NSD2: variants seen among roughly 807,000 people sequenced by gnomAD.
NSD2 encodes the protein nuclear receptor binding SET domain protein 2.
NSD2 carries 12 observed loss-of-function variants against 139.0 expected under a neutral mutation model. The observed-to-expected ratio is 0.09, with a 90% confidence interval of 0.06 to 0.14. The LOEUF (loss-of-function observed/expected upper bound fraction) is 0.14, where lower values mean the gene tolerates loss of function less well. Among genes scored for constraint, NSD2 ranks in the 10% least tolerant of loss-of-function variants. The pLI, the probability that NSD2 is intolerant of heterozygous loss-of-function variation, is 1.00. For synonymous variants in NSD2, 669 were observed against 648.7 expected (o/e 1.03, Z -0.48); for missense variants, 1,155 against 1,745.0 (o/e 0.66, Z 6.02).
At chr4:1,894,776 G>C (rs938634321) in intron 1 of NSD2, among the ~76,000 whole-genome samples, 31 of 151,986 alleles carry the variant, frequency 2.0e-4, no homozygotes, top group African/African-American at 7.0e-4. Context: ...TGAAGGTAGA[G>C]GATTTTTGGG....
chr4:1,964,577 AG>A (rs2108988082), intron 18 of NSD2, among the ~76,000 whole-genome samples: 1 of 152,324 alleles, frequency 6.6e-6, no homozygotes, highest in East Asian at 1.9e-4. Context: ...ATCTGTGCTC[AG>A]GATCCCTGAT....
At chr4:1,938,194 G>A (rs1722628074) in intron 7 of NSD2, among the ~76,000 whole-genome samples, 3 of 152,162 alleles carry the variant, frequency 2.0e-5, no homozygotes, top group Admixed American at 2.0e-4. Context: ...TGCGAGAGCG[G>A]GAGGTGCGAA....
chr4:1,980,469 G>C lies in NSD2; in HGVS notation c.*1560G>C. Reference sequence around the variant, plus strand: ...CATCCATCTTGCAGAGAAGTTTACAGAACTCCCCTTGAAAACTGCTGCTGA... The same window carrying C: ...CATCCATCTTGCAGAGAAGTTTACACAACTCCCCTTGAAAACTGCTGCTGA... On this transcript the variant is annotated 3_prime_UTR_variant, in exon 22 of 22. Transcript: ENST00000508803. The C allele has an allele frequency of 4.3e-6, 1 of 233,160 alleles. No homozygotes were observed. The highest frequency in any genetic ancestry group is 2.2e-5 in the African/African-American group (1 of 45,462). 14.4% of individuals were successfully genotyped at this position (233,160 alleles called of 1,614,324 possible). A position where few individuals can be genotyped will look rare whatever the true frequency, so the allele number is the denominator to read the frequency against.
At position 1,929,773 on chromosome 4, in the gene NSD2, C is replaced by T. The variant is rs372740479; in HGVS notation, c.1411-853C>T. Among the ~76,000 whole-genome samples, 17 of 152,262 alleles carry T rather than the reference C, an allele frequency of 1.1e-4. No homozygotes were observed. The South Asian group carries it at 1.9e-3, about 17-fold the overall frequency. ...GTGTGTCAGCCCTGTGCCCTGCTCT[C>T]GAGATCCGTGGCTCTCGGACTTGGG... On this transcript the variant is annotated intron_variant, in intron 5 of 21. Coordinates refer to ENST00000508803, the MANE Select transcript of NSD2 (RefSeq NM_001042424.3).
Position 1,973,296 on chromosome 4 carries a change from A to G in NSD2, c.3373-1567A>G, listed in dbSNP as rs1388167010. 6.6e-6 allele frequency among the ~76,000 whole-genome samples: 1 copy of G among 152,172 alleles called. No individual in the cohort carries two copies. On this transcript the variant is annotated intron_variant, in intron 18 of 21. Transcript: ENST00000508803. This position sits in a 1 kb window ranked among gnomAD's most constrained non-coding sequence, Gnocchi z 5.5. ...GGAAGTGGCACTGGGCCCCGCTGGT[A>G]ATGGTAGGAATGTAGGTTAGACACG...
chr4:1,941,554 T>A, intron 9 of NSD2: 4 of 1,040,976 alleles, frequency 3.8e-6, no homozygotes, highest in Non-Finnish European at 4.6e-6. Context: ...AGACTTAAAT[T>A]TTAATTCTTC....
intron 9 of NSD2, among the ~76,000 whole-genome samples, chr4:1,949,425 C>T (rs1356016016): frequency 2.0e-5 from 3 of 152,286 alleles, no homozygotes; most frequent in East Asian, 3.9e-4. Flanking sequence ...TCACATCTGT[C>T]ACCACCCACA....
In NSD2 at chr4:1,944,302, C is replaced by G. The variant is rs1332111285; in HGVS notation, c.1881+4524C>G. 9 of 1,066,066 alleles carry G rather than the reference C, an allele frequency of 8.4e-6. No homozygotes were observed. In the East Asian group the frequency reaches 2.5e-4, roughly 29 times the overall value. The allele number at this position is 1,066,066 out of a possible 1,614,324, so 66.0% of individuals were successfully genotyped here. A position where few individuals can be genotyped will look rare whatever the true frequency, so the allele number is the denominator to read the frequency against. On this transcript the variant is annotated intron_variant, in intron 9 of 21. Coordinates refer to ENST00000508803, the MANE Select transcript of NSD2 (RefSeq NM_001042424.3). ...TGGAAACGGCTCTTGTTTGAAAGAA[C>G]TTAGGGAGGACCATTGGCTTGCCAA...
intron 18 of NSD2, among the ~76,000 whole-genome samples, chr4:1,971,273 GC>G (rs1031345075): frequency 3.5e-4 from 53 of 152,138 alleles, no homozygotes; most frequent in African/African-American, 1.2e-3. Context: ...CAGAATTCAG[GC>G]CCTACCACTT....
chr4:1,974,794 G>C lies in NSD2; in HGVS notation c.3373-69G>C. 6.2e-7 allele frequency: 1 copy of C among 1,604,062 alleles called. No homozygotes were observed. Among genetic ancestry groups the C allele is most frequent in the Non-Finnish European group, 8.5e-7 (1 of 1,171,802 alleles). Reference sequence around the variant, plus strand: ...AACTTGTTCAATGTGCTTTATGATGGTGAAAATTCCCTTTAAAAATAACAT... The same window carrying C: ...AACTTGTTCAATGTGCTTTATGATGCTGAAAATTCCCTTTAAAAATAACAT... On this transcript the variant is annotated intron_variant, in intron 18 of 21. Coordinates refer to ENST00000508803, the MANE Select transcript of NSD2 (RefSeq NM_001042424.3). The surrounding 1 kb of genome is among the most constrained non-coding windows in gnomAD (Gnocchi z 4.0).
At chr4:1,897,452 C>T (rs1716509809) in intron 1 of NSD2, among the ~76,000 whole-genome samples, 1 of 151,926 alleles carries the variant, frequency 6.6e-6, no homozygotes, top group Non-Finnish European at 1.5e-5. Flanking sequence ...TGCCATTGCC[C>T]TGCACTCCAG....
intron 4 of NSD2, among the ~76,000 whole-genome samples, chr4:1,917,497 A>G (rs1261892300): frequency 6.6e-6 from 1 of 152,172 alleles, no homozygotes; most frequent in Non-Finnish European, 1.5e-5. Context: ...GTGTAATGGC[A>G]TGATCTTGGC....
chr4:1,974,016 G>A lies in NSD2; in HGVS notation c.3373-847G>A, dbSNP rs1726789505. ...TCGTGCTTGCATTTGTGATTCCCGT[G>A]GCCCTTATCAGGTTGCTGCCTCGAA... On this transcript the variant is annotated intron_variant, in intron 18 of 21. Coordinates refer to ENST00000508803, the MANE Select transcript of NSD2 (RefSeq NM_001042424.3). This position sits in a 1 kb window ranked among gnomAD's most constrained non-coding sequence, Gnocchi z 4.0. Among the ~76,000 whole-genome samples, 1 of 152,076 alleles carries A rather than the reference G, an allele frequency of 6.6e-6. No individual in the cohort carries two copies. Among genetic ancestry groups the A allele is most frequent in the Admixed American group, 6.5e-5 (1 of 15,272 alleles).
In NSD2 at chr4:1,961,148, C is replaced by T. The variant is rs1725324884; in HGVS notation, c.3369C>T (p.Asp1123=). ...CCCACTTCTACATGCTCACTATAGA[C>T]AAGGTAATGCGGAACTCCACTGTGA... ...DITHFYMLTI[D]KDRIIDAGPK... Residue 1123 remains aspartate, a synonymous_variant, in exon 18 of 22, where the codon GAC becomes GAT. Coordinates refer to ENST00000508803, the MANE Select transcript of NSD2 (RefSeq NM_001042424.3). 1 of 1,603,358 alleles carries T rather than the reference C, an allele frequency of 6.2e-7. No individual in the cohort carries two copies. The highest frequency in any genetic ancestry group is 1.3e-5 in the African/African-American group (1 of 74,798).
intron 1 of NSD2, among the ~76,000 whole-genome samples, chr4:1,893,239 G>A (rs779918919): frequency 3.9e-5 from 6 of 152,122 alleles, no homozygotes; most frequent in South Asian, 4.1e-4. Flanking sequence ...AGTCCGAGAC[G>A]GGTAGATCAC....
intron 9 of NSD2, chr4:1,941,527 A>C (rs962844031): frequency 1.5e-5 from 16 of 1,042,764 alleles, no homozygotes; most frequent in Non-Finnish European, 1.6e-5. Flanking sequence ...ACATAGATGA[A>C]GCATTTTATC....
At chr4:1,882,901 C>T (rs887644185) in intron 1 of NSD2, among the ~76,000 whole-genome samples, 1 of 152,162 alleles carries the variant, frequency 6.6e-6, no homozygotes, top group Admixed American at 6.5e-5. Context: ...TCATGTGATT[C>T]TGATGCCCTT....
intron 3 of NSD2, among the ~76,000 whole-genome samples, chr4:1,916,166 TGGTAGG>T (rs1276122161): frequency 6.6e-6 from 1 of 152,082 alleles, no homozygotes; most frequent in Admixed American, 6.6e-5. Flanking sequence ...GGTAGCTAGC[TGGTAGG>T]TAGCAGGGCT....
At chr4:1,944,277 T>C in intron 9 of NSD2, 1 of 1,066,218 alleles carries the variant, frequency 9.4e-7, no homozygotes, top group Non-Finnish European at 1.1e-6. Context: ...AGGAGGTGGG[T>C]GGAAACGGCT....
Sources: gnomAD v4.1 joint callset for allele counts (sites outside exome capture counted in the v4.1 genomes callset) on GRCh38, gnomAD v4.1.1 for gene constraint, Gnocchi (gnomAD v3.1) non-coding constraint, MANE v1.5 for transcripts, NCBI Gene and HGNC (gene_info 2026-07-23, HGNC 2026-07-21) for gene names.